Variants in NT5E observed in about 807,000 individuals in gnomAD.
NT5E encodes 5'-nucleotidase ecto.
NT5E carries 53 observed loss-of-function variants against 55.1 expected under a neutral mutation model. The ratio of observed to expected loss-of-function variants is 0.96; its 90% CI spans 0.77 to 1.21. The LOEUF (loss-of-function observed/expected upper bound fraction) is 1.21, where lower values mean the gene tolerates loss of function less well. Ranked by LOEUF, NT5E falls within the 50% of genes most tolerant of loss-of-function variation. The probability of loss-of-function intolerance (pLI) is 0.00; values close to 1 mark genes in which losing one functional copy is unlikely to be tolerated. For synonymous variants in NT5E, 270 were observed against 278.4 expected (o/e 0.97, Z 0.30); for missense variants, 683 against 724.3 (o/e 0.94, Z 0.65).
intron 1 of NT5E, among the ~76,000 whole-genome samples, 169 bp from the exon 2 acceptor site, chr6:85,466,891 G>C (rs1043319383): frequency 1.3e-5 from 2 of 152,198 alleles, no homozygotes; most frequent in African/African-American, 4.8e-5. Context: ...CACCTGGGTA[G>C]CAATTCTCAA....
intron 5 of NT5E, among the ~76,000 whole-genome samples, chr6:85,487,729 C>A (rs1267390699): frequency 6.6e-6 from 1 of 151,990 alleles, no homozygotes; most frequent in African/African-American, 2.4e-5. Flanking sequence ...CCAGCCTGGG[C>A]AAAAGAGCGA....
At chr6:85,451,918 A>G (rs1336699059) in intron 1 of NT5E, among the ~76,000 whole-genome samples, 1 of 152,206 alleles carries the variant, frequency 6.6e-6, no homozygotes, top group Non-Finnish European at 1.5e-5. Context: ...AGATGAGAGA[A>G]GGGGAGAAAG....
intron 1 of NT5E, among the ~76,000 whole-genome samples, chr6:85,465,618 A>T (rs1008057355): frequency 2.0e-5 from 3 of 152,204 alleles, no homozygotes; most frequent in African/African-American, 7.2e-5. Flanking sequence ...GGAGACAAGT[A>T]TGTAGGAATA....
chr6:85,483,638 C>A (rs1179725005), intron 3 of NT5E, among the ~76,000 whole-genome samples: 1 of 152,164 alleles, frequency 6.6e-6, no homozygotes, highest in African/African-American at 2.4e-5. Flanking sequence ...CTATTTCCTG[C>A]TTGTGAAGCG....
At chr6:85,480,852 T>G (rs1265138917) in intron 3 of NT5E, among the ~76,000 whole-genome samples, 1 of 152,162 alleles carries the variant, frequency 6.6e-6, no homozygotes, top group Non-Finnish European at 1.5e-5. Context: ...GAAAATAAAA[T>G]TAGGCCCCAG....
chr6:85,478,186 C>A (rs1201269710), intron 3 of NT5E, among the ~76,000 whole-genome samples: 1 of 152,166 alleles, frequency 6.6e-6, no homozygotes, highest in Non-Finnish European at 1.5e-5. Flanking sequence ...AAAGCCAGAG[C>A]CTTCTGGTTT....
chr6:85,466,410 G>A (rs1003698385), intron 1 of NT5E, among the ~76,000 whole-genome samples: 1 of 152,112 alleles, frequency 6.6e-6, no homozygotes, highest in African/African-American at 2.4e-5. Flanking sequence ...GAAACTGCTG[G>A]GACTGGAGCA....
intron 3 of NT5E, among the ~76,000 whole-genome samples, chr6:85,472,219 C>T (rs1404352001): frequency 3.3e-5 from 5 of 152,186 alleles, no homozygotes; most frequent in Non-Finnish European, 5.9e-5. Flanking sequence ...GCAAAGAAGG[C>T]TTTGGCGTGG....
intron 3 of NT5E, among the ~76,000 whole-genome samples, chr6:85,482,608 A>G (rs1452036197): frequency 6.6e-6 from 1 of 152,116 alleles, no homozygotes; most frequent in African/African-American, 2.4e-5. Flanking sequence ...TAAACTCCAG[A>G]TGTCAGTCCA....
At position 85,450,321 on chromosome 6, in the gene NT5E, T is replaced by C; in HGVS notation, c.182T>C (p.Val61Ala). 1 of 1,601,422 alleles carries C rather than the reference T, an allele frequency of 6.2e-7. No homozygotes were observed. The highest frequency in any genetic ancestry group is 8.5e-7 in the Non-Finnish European group (1 of 1,175,284). Residue 61 changes from valine to alanine, a missense_variant, in exon 1 of 9, where the codon GTG becomes GCG. Coordinates refer to ENST00000257770, the MANE Select transcript of NT5E (RefSeq NM_002526.4). This position sits in a 1 kb window ranked among gnomAD's most constrained non-coding sequence, Gnocchi z 4.0. ...AACGCCAGCCGCTGCATGGGTGGCG[T>C]GGCTCGGCTCTTCACCAAGGTTCAG... ...CVNASRCMGG[V>A]ARLFTKVQQI...
At chr6:85,452,246 TG>T (rs1582365119) in intron 1 of NT5E, among the ~76,000 whole-genome samples, 1 of 152,266 alleles carries the variant, frequency 6.6e-6, no homozygotes, top group East Asian at 1.9e-4. Flanking sequence ...ACCACGACTT[TG>T]TAAACTTTAC....
intron 3 of NT5E, among the ~76,000 whole-genome samples, chr6:85,475,741 T>C (rs142978152): frequency 1.3e-5 from 2 of 152,306 alleles, no homozygotes; most frequent in Non-Finnish European, 2.9e-5. Context: ...TAAGTGAGTT[T>C]TGGATTCTGC....
chr6:85,473,293 T>C (rs1769355800), intron 3 of NT5E, among the ~76,000 whole-genome samples: 1 of 152,202 alleles, frequency 6.6e-6, no homozygotes, highest in Non-Finnish European at 1.5e-5. Flanking sequence ...ATAACAACAG[T>C]ACCTATTATA....
rs1582390773 is a variant in NT5E, at chr6:85,494,128, G to A, written c.*124G>A. ...CTTTACAGGCTCCTAGAAGCTGAAG[G>A]TTAGAGCATTATAAAATGAAGAGAC... On this transcript the variant is annotated 3_prime_UTR_variant, in exon 9 of 9. Transcript: ENST00000257770. The A allele has an allele frequency of 6.7e-6, 6 of 893,416 alleles. No individual in the cohort carries two copies. Among genetic ancestry groups the A allele is most frequent in the Non-Finnish European group, 7.1e-6 (4 of 565,592 alleles). 55.3% of individuals were successfully genotyped at this position (893,416 alleles called of 1,614,324 possible). A position where few individuals can be genotyped will look rare whatever the true frequency, so the allele number is the denominator to read the frequency against.
At chr6:85,462,126 C>T (rs553450281) in intron 1 of NT5E, among the ~76,000 whole-genome samples, 1 of 152,184 alleles carries the variant, frequency 6.6e-6, no homozygotes, top group East Asian at 1.9e-4. Flanking sequence ...CACCTCCCCA[C>T]CACATTCCCA....
chr6:85,482,128 G>C (rs1183137831), intron 3 of NT5E, among the ~76,000 whole-genome samples: 1 of 152,170 alleles, frequency 6.6e-6, no homozygotes, highest in Non-Finnish European at 1.5e-5. Flanking sequence ...CCCAATTCAG[G>C]AATTCTTAAA....
intron 5 of NT5E, among the ~76,000 whole-genome samples, chr6:85,488,185 C>A (rs970563885): frequency 2.6e-5 from 4 of 152,206 alleles, no homozygotes; most frequent in Admixed American, 2.6e-4. Context: ...CTACTTGTCA[C>A]CAGGCGGAAT....
At chr6:85,466,504 A>C (rs1375958770) in intron 1 of NT5E, among the ~76,000 whole-genome samples, 9 of 152,158 alleles carry the variant, frequency 5.9e-5, no homozygotes, top group Admixed American at 4.6e-4. Flanking sequence ...GCTATTGAGG[A>C]ACTTCATTTT....
chr6:85,488,753 G>A (rs1769720671), intron 5 of NT5E, among the ~76,000 whole-genome samples: 1 of 151,618 alleles, frequency 6.6e-6, no homozygotes, highest in Non-Finnish European at 1.5e-5. Flanking sequence ...GCTAATTTTT[G>A]TATCTTTAGT....
Sources: allele counts gnomAD v4.1 joint callset (sites outside exome capture counted in the v4.1 genomes callset), GRCh38; gene constraint gnomAD v4.1.1; non-coding constraint Gnocchi (gnomAD v3.1); transcripts MANE v1.5; gene names NCBI Gene and HGNC (gene_info 2026-07-23, HGNC 2026-07-21).